Variants in RYR2 observed in about 807,000 individuals in gnomAD.
RYR2 encodes ryanodine receptor 2, also known as cardiac muscle ryanodine receptor-calcium release channel.
Under a neutral mutation model 601.1 loss-of-function variants are expected in RYR2, and 227 were observed. The observed-to-expected ratio is 0.38, with a 90% CI of 0.34 to 0.42. The LOEUF is 0.42. RYR2 is among the 10% of genes least tolerant of loss of function. The pLI, the probability that RYR2 is intolerant of heterozygous loss-of-function variation, is 1.00. For synonymous variants in RYR2, 2,223 were observed against 2,175.1 expected (o/e 1.02, Z -0.61); for missense variants, 4,646 against 6,156.5 (o/e 0.75, Z 8.21).
chr1:237,105,791 C>T (rs894474042), intron 1 of RYR2, among the ~76,000 whole-genome samples: 5 of 143,718 alleles, frequency 3.5e-5, no homozygotes, highest in East Asian at 2.1e-4. Flanking sequence ...GCTGAGATTG[C>T]GCCACTGCAC....
chr1:237,546,991 ATATATTTATT>A (rs1445845760), intron 25 of RYR2, among the ~76,000 whole-genome samples: 2 of 122,378 alleles, frequency 1.6e-5, no homozygotes, highest in African/African-American at 3.0e-5. Flanking sequence ...ATATATATAT[ATATATTTATT>A]TATTTATTTA....
chr1:237,289,369 T>C (rs4659782), intron 2 of RYR2, among the ~76,000 whole-genome samples: 70,566 of 152,110 alleles, frequency 0.46, 18,388 homozygotes, highest in East Asian at 0.6. Flanking sequence ...ATGCTGCTAA[T>C]AAAGACCTGA....
At chr1:237,081,354 T>C (rs548649336) in intron 1 of RYR2, among the ~76,000 whole-genome samples, 1 of 151,546 alleles carries the variant, frequency 6.6e-6, no homozygotes, top group East Asian at 1.9e-4. Flanking sequence ...ACATTTGCTT[T>C]GGTTCAGGAT....
intron 8 of RYR2, among the ~76,000 whole-genome samples, chr1:237,384,372 A>G (rs1701804502): frequency 1.3e-5 from 2 of 152,318 alleles, no homozygotes; most frequent in South Asian, 2.1e-4. Context: ...CTGTGGACCT[A>G]TCAGTCATTC....
At position 237,566,680 on chromosome 1, in the gene RYR2, G is replaced by A; in HGVS notation, c.3328G>A (p.Ala1110Thr). The A allele has an allele frequency of 6.2e-7, 1 of 1,613,988 alleles. No homozygotes were observed. Among genetic ancestry groups the A allele is most frequent in the Non-Finnish European group, 8.5e-7 (1 of 1,179,884 alleles). ...GTATTTTGAATTTGAGACGGTCACT[G>A]CTGGAGACATGAGGGTTGGTTGGAG... ...RWYFEFETVT[A>T]GDMRVGWSRP... The change falls in exon 28 of 105, where the codon GCT becomes ACT. Residue 1110 changes from alanine (A) to threonine (T), a missense_variant. By Grantham distance (58) the Ala-to-Thr change is moderately conservative. Around this residue, in one of 17 missense-constraint regions of RYR2, gnomAD observed 1,807 missense variants for 2,088.1 expected, o/e 0.87. Coordinates refer to ENST00000366574, the MANE Select transcript of RYR2 (RefSeq NM_001035.3).
intron 73 of RYR2, among the ~76,000 whole-genome samples, chr1:237,722,188 G>C (rs1479000860): frequency 2.0e-5 from 3 of 152,122 alleles, no homozygotes; most frequent in Non-Finnish European, 2.9e-5. Flanking sequence ...ATGGGGAGGA[G>C]AAGAGCATGG....
chr1:237,799,352 T>C (rs1048644199), intron 97 of RYR2, among the ~76,000 whole-genome samples: 2 of 152,084 alleles, frequency 1.3e-5, no homozygotes, highest in East Asian at 1.9e-4. Flanking sequence ...ACAAGCAATA[T>C]AGAATTAAAT....
chr1:237,141,547 G>A lies in RYR2; in HGVS notation c.48+98978G>A, dbSNP rs1433037654. On this transcript the variant is annotated intron_variant, in intron 1 of 104. Transcript: ENST00000366574. ...CAGTTGTTAAGAGAAAAACTGGGGAGTATAATGCCTCCCCTGGTTCCCCAA... is the reference window on the plus strand; with the variant it reads ...CAGTTGTTAAGAGAAAAACTGGGGAATATAATGCCTCCCCTGGTTCCCCAA... Among the ~76,000 whole-genome samples, 3 of 152,146 alleles carry A rather than the reference G, an allele frequency of 2.0e-5. No homozygotes were observed. In the East Asian group the frequency reaches 5.8e-4, roughly 29 times the overall value.
chr1:237,732,521 G>A (rs540364770), intron 78 of RYR2, among the ~76,000 whole-genome samples: 178 of 152,288 alleles, frequency 1.2e-3, no homozygotes, highest in African/African-American at 4.2e-3. Context: ...AATTTTCTGG[G>A]TAGATAGTGT....
At chr1:237,700,096 A>G (rs1474208448) in intron 64 of RYR2, 133 bp from the exon 65 acceptor site, 2 of 624,890 alleles carry the variant, frequency 3.2e-6, no homozygotes, top group East Asian at 2.8e-5. Context: ...AATTTGTTTT[A>G]GAGTTGATTT....
intron 24 of RYR2, among the ~76,000 whole-genome samples, chr1:237,524,597 C>A (rs920869840): frequency 6.6e-6 from 1 of 152,118 alleles, no homozygotes; most frequent in African/African-American, 2.4e-5. Flanking sequence ...GCTCCTAGTC[C>A]ATTCACATAA....
chr1:237,292,278 G>A (rs1220765355), intron 2 of RYR2, among the ~76,000 whole-genome samples: 2 of 152,106 alleles, frequency 1.3e-5, no homozygotes, highest in African/African-American at 4.8e-5. Flanking sequence ...AATTGCAATT[G>A]GATATAGGCA....
intron 42 of RYR2, 52 bp from the exon 43 acceptor site, chr1:237,633,526 A>G: frequency 6.2e-7 from 1 of 1,610,558 alleles, no homozygotes; most frequent in South Asian, 1.1e-5. Flanking sequence ...TATGAACTCA[A>G]TTTTATAAAG....
Position 237,602,343 on chromosome 1 carries a change from G to GA in RYR2, c.4683+241dup, listed in dbSNP as rs550300432. Among the ~76,000 whole-genome samples the GA allele has an allele frequency of 0.024, 3,639 of 150,282 alleles. 74 individuals are homozygous for GA. Among genetic ancestry groups the GA allele is most frequent in the Middle Eastern group, 0.068 (20 of 292 alleles). ...TATATTATTCAATAAAAGGCCTATAGAAAAAAAAATGCCGAGATTACACAC... is the reference window on the plus strand; with the variant it reads ...TATATTATTCAATAAAAGGCCTATAGAAAAAAAAAATGCCGAGATTACACAC... On this transcript the variant is annotated intron_variant, in intron 35 of 104. Transcript: ENST00000366574.
intron 25 of RYR2, among the ~76,000 whole-genome samples, chr1:237,537,424 A>G (rs1283845506): frequency 1.3e-5 from 2 of 152,088 alleles, no homozygotes; most frequent in Non-Finnish European, 2.9e-5. Context: ...CCCGGGTTCA[A>G]GCAATTCTCC....
chr1:237,723,480 C>G (rs1231565043), intron 74 of RYR2, among the ~76,000 whole-genome samples: 1 of 151,880 alleles, frequency 6.6e-6, no homozygotes, highest in East Asian at 1.9e-4. Context: ...TTTGGGAGAT[C>G]CTGGCCTTTG....
intron 1 of RYR2, among the ~76,000 whole-genome samples, chr1:237,119,500 G>C (rs1322166313): frequency 6.6e-6 from 1 of 152,132 alleles, no homozygotes; most frequent in Non-Finnish European, 1.5e-5. Context: ...GTTGGTCATG[G>C]CACACTGGGC....
chr1:237,779,001 A>T (rs1241391216), intron 88 of RYR2, among the ~76,000 whole-genome samples: 1 of 152,194 alleles, frequency 6.6e-6, no homozygotes, highest in Non-Finnish European at 1.5e-5. Flanking sequence ...ATTTGAGACA[A>T]TGGATATTAA....
At chr1:237,493,849 A>G (rs1663718122) in intron 19 of RYR2, among the ~76,000 whole-genome samples, 1 of 152,342 alleles carries the variant, frequency 6.6e-6, no homozygotes, top group African/African-American at 2.4e-5. Context: ...CTACATCTTC[A>G]GTTAGATCTG....
Sources: gnomAD v4.1 joint callset for allele counts (sites outside exome capture counted in the v4.1 genomes callset) on GRCh38, gnomAD v4.1.1 for gene constraint, gnomAD v4.1.1 regional missense constraint, MANE v1.5 for transcripts, NCBI Gene and HGNC (gene_info 2026-07-23, HGNC 2026-07-21) for gene names.